UGGT2: variants seen among roughly 807,000 people sequenced by gnomAD.
UGGT2 encodes the protein UDP-glucose:glycoprotein glucosyltransferase 2.
In UGGT2, 180 loss-of-function variants were observed where a neutral mutation model predicts 192.1. The observed-to-expected ratio is 0.94, with a 90% confidence interval of 0.83 to 1.06. The LOEUF is 1.06. UGGT2 is among the 50% of genes least tolerant of loss of function. The pLI is 0.00. For synonymous variants in UGGT2, 580 were observed against 591.0 expected, an observed-to-expected ratio of 0.98 and a Z score of 0.27; for missense variants, 1,849 against 1,795.7, an observed-to-expected ratio of 1.03 and a Z score of -0.54.
intron 38 of UGGT2, among the ~76,000 whole-genome samples, chr13:95,802,697 G>T (rs1884115560): frequency 6.6e-6 from 1 of 152,212 alleles, no homozygotes; most frequent in African/African-American, 2.4e-5. Flanking sequence ...GAGTCACACA[G>T]TGAGGCTATC....
chr13:95,984,639 T>C (rs76938016), intron 9 of UGGT2, among the ~76,000 whole-genome samples: 388 of 152,270 alleles, frequency 2.5e-3, no homozygotes, highest in Non-Finnish European at 4.2e-3. Flanking sequence ...CTATTCACTC[T>C]TGAAGAGTTT....
intron 38 of UGGT2, among the ~76,000 whole-genome samples, chr13:95,818,031 G>C (rs1326090178): frequency 1.3e-5 from 2 of 152,128 alleles, no homozygotes; most frequent in African/African-American, 4.8e-5. Context: ...AAAATACCCT[G>C]GCCAGGCACT....
At chr13:95,922,673 T>A (rs1215302707) in intron 20 of UGGT2, among the ~76,000 whole-genome samples, 2 of 151,386 alleles carry the variant, frequency 1.3e-5, no homozygotes, top group African/African-American at 4.9e-5. Flanking sequence ...AATACAAAAA[T>A]TTGCTGGGTG....
At chr13:95,876,547 T>A (rs906886097) in intron 29 of UGGT2, among the ~76,000 whole-genome samples, 5 of 152,168 alleles carry the variant, frequency 3.3e-5, no homozygotes, top group Non-Finnish European at 5.9e-5. Context: ...TGGGTTTTAC[T>A]GGGGTGAGCA....
At chr13:95,998,625 C>T (rs2051700012) in intron 6 of UGGT2, among the ~76,000 whole-genome samples, 1 of 152,112 alleles carries the variant, frequency 6.6e-6, no homozygotes, top group Non-Finnish European at 1.5e-5. Flanking sequence ...CATAAGTGTT[C>T]TGAGAACTTG....
rs150375146 is a variant in UGGT2, at chr13:95,856,212, A to T, written c.3954T>A (p.Leu1318=). Residue 1318 remains leucine (L), a synonymous_variant, in exon 34 of 39, where the codon CTT becomes CTA. Transcript: ENST00000376747. ...CCACTGCTAGTGGGAAAAGAACATC[A>T]AGGAAAAGAATTTTGTAACCCCAAA... ...RIIWGYKILF[L]DVLFPLAVDK... The T allele has an allele frequency of 5.6e-4, 911 of 1,613,566 alleles. 5 individuals carry two copies. In the African/African-American group the frequency reaches 0.011, roughly 19 times the overall value.
chr13:95,948,794 G>A lies in UGGT2; in HGVS notation c.1455+541C>T, dbSNP rs2049964603. ...GGCTAAAGAGTAAGAGGCAGAACATGTGACTAATATGGTTTGGCTGTGTGC... is the reference window on the plus strand; with the variant it reads ...GGCTAAAGAGTAAGAGGCAGAACATATGACTAATATGGTTTGGCTGTGTGC... On this transcript the variant is annotated intron_variant, in intron 13 of 38. Transcript: ENST00000376747. Among the ~76,000 whole-genome samples, 3 of 152,198 alleles carry A rather than the reference G, an allele frequency of 2.0e-5. No homozygotes were observed. The South Asian group carries it at 6.2e-4, about 32-fold the overall frequency.
chr13:95,831,886 A>G (rs1039781225), intron 38 of UGGT2, among the ~76,000 whole-genome samples: 8 of 151,404 alleles, frequency 5.3e-5, no homozygotes, highest in African/African-American at 1.9e-4. Context: ...TTGTCATCCT[A>G]CTTCTCTCCC....
intron 13 of UGGT2, 137 bp from the exon 14 acceptor site, chr13:95,948,218 T>TACACACACACACAC (rs149949392): frequency 1.9e-4 from 61 of 317,712 alleles, no homozygotes; most frequent in Middle Eastern, 1.0e-3. Context: ...TTCTAAGGAA[T>TACACACACACACAC]ACACACACAC....
In UGGT2 at chr13:95,901,061, A is replaced by G. The variant is rs147153243; in HGVS notation, c.2503-123T>C. ...AATACTTTCAAAATCATTATTTGGT[A>G]TAATTTTCTTTGAAAGAACATTTTT... On this transcript the variant is annotated intron_variant, in intron 21 of 38. Coordinates refer to ENST00000376747, the MANE Select transcript of UGGT2 (RefSeq NM_020121.4). The G allele has an allele frequency of 4.3e-3, 3,191 of 748,488 alleles. 13 individuals are homozygous for G. Among genetic ancestry groups the G allele is most frequent in the South Asian group, 8.8e-3 (169 of 19,134 alleles). The allele number at this position is 748,488 out of a possible 1,614,324, so 46.4% of individuals were successfully genotyped here.
At chr13:95,877,619 A>G in intron 28 of UGGT2, 79 bp downstream of exon 28, 2 of 1,478,512 alleles carry the variant, frequency 1.4e-6, no homozygotes, top group Non-Finnish European at 9.1e-7. Context: ...CAGAATAAAG[A>G]TTATTTCATT....
intron 22 of UGGT2, among the ~76,000 whole-genome samples, chr13:95,899,976 A>G (rs1330352271): frequency 6.6e-6 from 1 of 152,152 alleles, no homozygotes; most frequent in African/African-American, 2.4e-5. Context: ...TAATTTGAAA[A>G]TTCAAGCCAC....
chr13:95,983,353 C>T (rs2051187102), intron 10 of UGGT2, among the ~76,000 whole-genome samples: 1 of 152,112 alleles, frequency 6.6e-6, no homozygotes, highest in South Asian at 2.1e-4. Context: ...AATATTAACA[C>T]AACTAGAATT....
At chr13:95,839,308 C>T (rs1887619351) in intron 36 of UGGT2, among the ~76,000 whole-genome samples, 1 of 152,132 alleles carries the variant, frequency 6.6e-6, no homozygotes, top group Admixed American at 6.5e-5. Context: ...TCATATCCTT[C>T]CCTAACCTCC....
chr13:95,814,432 C>T (rs966622816), intron 38 of UGGT2, among the ~76,000 whole-genome samples: 1 of 152,228 alleles, frequency 6.6e-6, no homozygotes, highest in African/African-American at 2.4e-5. Context: ...GACTGCCCTG[C>T]TGGGTTTTGG....
intron 14 of UGGT2, among the ~76,000 whole-genome samples, chr13:95,947,456 T>TTA (rs1399459873): frequency 8.2e-6 from 1 of 122,484 alleles, no homozygotes; most frequent in Non-Finnish European, 1.8e-5. Context: ...CTCTTTTTAT[T>TTA]TTTATTTTTT....
chr13:95,830,801 T>A (rs989041611), intron 38 of UGGT2, among the ~76,000 whole-genome samples: 7 of 152,208 alleles, frequency 4.6e-5, no homozygotes, highest in East Asian at 3.8e-4. Context: ...GGATTATAAA[T>A]CATGCTGCTA....
rs149949392 is a variant in UGGT2 at position 95,948,218 on chromosome 13, T to TACACACACAC, written c.1456-147_1456-138dup. On this transcript the variant is annotated intron_variant, in intron 13 of 38. Coordinates refer to ENST00000376747, the MANE Select transcript of UGGT2 (RefSeq NM_020121.4). ...AAGAAATTCTAGCAATTCTAAGGAA[T>TACACACACAC]ACACACACACACACACACACACACA... 2,526 of 317,508 alleles carry TACACACACAC rather than the reference T, an allele frequency of 8.0e-3. 28 individuals carry two copies. Among genetic ancestry groups the TACACACACAC allele is most frequent in the Admixed American group, 8.4e-3 (190 of 22,676 alleles). The allele number at this position is 317,508 out of a possible 1,614,324, so 19.7% of individuals were successfully genotyped here.
intron 4 of UGGT2, among the ~76,000 whole-genome samples, chr13:96,015,781 G>A (rs143827807): frequency 3.7e-4 from 56 of 152,216 alleles, no homozygotes; most frequent in Non-Finnish European, 4.0e-4. Context: ...AATAACCAAG[G>A]TAACTATGCA....
Sources: gnomAD v4.1 joint callset for allele counts (sites outside exome capture counted in the v4.1 genomes callset) on GRCh38, gnomAD v4.1.1 for gene constraint, MANE v1.5 for transcripts, NCBI Gene and HGNC (gene_info 2026-07-23, HGNC 2026-07-21) for gene names.